WDR27: variants seen among roughly 807,000 people sequenced by gnomAD.
WDR27 encodes the protein WD repeat domain 27, also known as WD repeat-containing protein 27.
Under a neutral mutation model 114.4 loss-of-function variants are expected in WDR27, and 100 were observed. The ratio of observed to expected loss-of-function variants is 0.87; its 90% CI spans 0.74 to 1.03. The LOEUF (loss-of-function observed/expected upper bound fraction) is 1.03, where lower values mean the gene tolerates loss of function less well. Ranked by LOEUF, WDR27 falls within the 50% of genes least tolerant of loss-of-function variation. The pLI, the probability that WDR27 is intolerant of heterozygous loss-of-function variation, is 0.00. For synonymous variants in WDR27, 449 were observed against 423.1 expected (o/e 1.06, Z -0.75); for missense variants, 1,129 against 1,092.9 (o/e 1.03, Z -0.47).
rs1264542018 is a variant in WDR27, at chr6:169,602,293, T to C, written c.2350A>G (p.Thr784Ala). 10 of 1,562,046 alleles carry C rather than the reference T, an allele frequency of 6.4e-6. No individual in the cohort carries two copies. The highest frequency in any genetic ancestry group is 1.4e-5 in the African/African-American group (1 of 73,826). The part of the protein sequence containing the change: ...RCERHFEGHP[T>A]RGYPCGIAFS... Reference sequence around the variant, plus strand: ...GCGATTCCACATGGATAGCCGCGGGTTGGATGCCCTTCAAAGTGGCGCTCA... The same window carrying C: ...GCGATTCCACATGGATAGCCGCGGGCTGGATGCCCTTCAAAGTGGCGCTCA... The change falls in exon 23 of 26, where the codon ACC becomes GCC. Residue 784 changes from threonine to alanine, a missense_variant. Coordinates refer to ENST00000448612, the MANE Select transcript of WDR27 (RefSeq NM_182552.5).
rs565894567 is a variant in WDR27, at chr6:169,638,594, C to G, written c.1814G>C (p.Arg605Pro). ...QDRRWLLSAA[R>P]DGTLRMWSAR... ...CGACCACATTCGCAGGGTCCCGTCC[C>G]GGGCCGCAGAGAGCAGCCACCTCCG... Residue 605 changes from arginine to proline, a missense_variant, in exon 18 of 26, where the codon CGG becomes CCG. Physicochemically the swap from Arg to Pro is moderately radical, Grantham distance 103. Transcript: ENST00000448612. The G allele has an allele frequency of 4.5e-5, 72 of 1,609,380 alleles. No individual in the cohort carries two copies. The East Asian group carries it at 1.4e-3, about 32-fold the overall frequency.
Position 169,531,660 on chromosome 6 carries a change from T to G in WDR27, c.2645+40759A>C, listed in dbSNP as rs982521818. Among the ~76,000 whole-genome samples the G allele has an allele frequency of 1.1e-4, 16 of 152,028 alleles. No individual in the cohort carries two copies. The South Asian group carries it at 1.2e-3, about 12-fold the overall frequency. The stretch of plus-strand genomic sequence containing the variant: ...TCTGCAACATTAAACAGTTTGTTTT[T>G]TTTTTTTTTTTGAAATGGAGTGTCA... On this transcript the variant is annotated intron_variant, in intron 25 of 25. Coordinates refer to ENST00000448612, the MANE Select transcript of WDR27 (RefSeq NM_182552.5).
intron 2 of WDR27, among the ~76,000 whole-genome samples, chr6:169,685,538 T>G (rs927579770): frequency 6.6e-6 from 1 of 152,260 alleles, no homozygotes; most frequent in African/African-American, 2.4e-5. Context: ...ATCATAGAGT[T>G]AAAGAATTCA....
chr6:169,700,235 G>T (rs1787518445), intron 1 of WDR27, among the ~76,000 whole-genome samples: 1 of 152,220 alleles, frequency 6.6e-6, no homozygotes. Context: ...AGGAACCACA[G>T]CCAGGCCTGA....
chr6:169,502,643 G>A (rs1262534559), intron 25 of WDR27, among the ~76,000 whole-genome samples: 2 of 152,166 alleles, frequency 1.3e-5, no homozygotes, highest in African/African-American at 4.8e-5. Context: ...GGAGGCGGAA[G>A]CGTCTCGTCT....
chr6:169,580,575 A>T (rs1477371169), intron 24 of WDR27, among the ~76,000 whole-genome samples: 1 of 152,168 alleles, frequency 6.6e-6, no homozygotes, highest in Non-Finnish European at 1.5e-5. Context: ...TTTACTTTTA[A>T]CAAAAACTTG....
intron 25 of WDR27, among the ~76,000 whole-genome samples, chr6:169,540,287 A>C (rs2128091581): frequency 6.6e-6 from 1 of 152,298 alleles, no homozygotes; most frequent in Non-Finnish European, 1.5e-5. Context: ...ACGATGCTTA[A>C]AATTATATTG....
At chr6:169,516,275 T>C (rs1793624640) in intron 25 of WDR27, among the ~76,000 whole-genome samples, 1 of 152,170 alleles carries the variant, frequency 6.6e-6, no homozygotes, top group Admixed American at 6.5e-5. Flanking sequence ...CCAGCTCCAT[T>C]TTCAACTCCC....
intron 1 of WDR27, among the ~76,000 whole-genome samples, chr6:169,692,416 G>T (rs923710716): frequency 6.6e-6 from 1 of 152,146 alleles, no homozygotes; most frequent in African/African-American, 2.4e-5. Context: ...TATGAGCACA[G>T]GAGCTGCCAA....
In WDR27 at chr6:169,670,686, G is replaced by A. The variant is rs1286640669; in HGVS notation, c.339C>T (p.Val113=). The change falls in exon 4 of 26, where the codon GTC becomes GTT. Residue 113 remains valine (V), a synonymous_variant. Transcript: ENST00000448612. ...GCGAGCCCATGACAGTCCCTCGAGG[G>A]ACCAGCCCTAGAGTGAGTTTCACCA... ...ECREKVLQGL[V]PRGTVMGSLL... The A allele has an allele frequency of 1.9e-6, 3 of 1,613,924 alleles. No homozygotes were observed. The highest frequency in any genetic ancestry group is 2.5e-6 in the Non-Finnish European group (3 of 1,179,858).
intron 25 of WDR27, among the ~76,000 whole-genome samples, chr6:169,536,780 A>G (rs1175539383): frequency 6.6e-6 from 1 of 152,172 alleles, no homozygotes; most frequent in Non-Finnish European, 1.5e-5. Context: ...CAAGAGGCAC[A>G]AGAAAAGCAG....
At chr6:169,481,510 G>C (rs1788071182) in intron 25 of WDR27, among the ~76,000 whole-genome samples, 1 of 152,138 alleles carries the variant, frequency 6.6e-6, no homozygotes, top group Non-Finnish European at 1.5e-5. Context: ...TCTTGCTGCT[G>C]CTCACTCTTC....
At chr6:169,564,114 C>T (rs1000042268) in intron 25 of WDR27, among the ~76,000 whole-genome samples, 4 of 152,318 alleles carry the variant, frequency 2.6e-5, no homozygotes, top group East Asian at 1.9e-4. Context: ...AGTCTGTGGC[C>T]GAAGGCCCAA....
At chr6:169,453,432 C>T (rs1226180015), downstream of WDR27, among the ~76,000 whole-genome samples, 1 of 152,174 alleles carries the variant, frequency 6.6e-6, no homozygotes, top group Non-Finnish European at 1.5e-5. Context: ...GCTGTTGCTA[C>T]ATGGAGGGAA....
At chr6:169,575,108 G>C (rs1802037554) in intron 24 of WDR27, among the ~76,000 whole-genome samples, 1 of 152,036 alleles carries the variant, frequency 6.6e-6, no homozygotes, top group African/African-American at 2.4e-5. Flanking sequence ...ACCACCACCA[G>C]CTATCCTGGG....
chr6:169,659,596 C>T lies in WDR27; in HGVS notation c.1130-78G>A. On this transcript the variant is annotated intron_variant, in intron 10 of 25. Coordinates refer to ENST00000448612, the MANE Select transcript of WDR27 (RefSeq NM_182552.5). This position sits in a 1 kb window ranked among gnomAD's most constrained non-coding sequence, Gnocchi z 4.3. ...ACACACGGAGTCACTGCCCAGAGCC[C>T]ACCACACACAGCCCAGAGCCCACCA... 1 of 1,376,450 alleles carries T rather than the reference C, an allele frequency of 7.3e-7. No homozygotes were observed. The highest frequency in any genetic ancestry group is 1.2e-5 in the South Asian group (1 of 80,540). The allele number at this position is 1,376,450 out of a possible 1,614,324, so 85.3% of individuals were successfully genotyped here.
chr6:169,476,854 C>A (rs1787249051), intron 25 of WDR27, among the ~76,000 whole-genome samples: 1 of 152,152 alleles, frequency 6.6e-6, no homozygotes. Flanking sequence ...GTCTTTCAAG[C>A]TAAATTAATC....
intron 24 of WDR27, among the ~76,000 whole-genome samples, chr6:169,573,757 C>A (rs1475368429): frequency 6.6e-6 from 1 of 152,194 alleles, no homozygotes; most frequent in Non-Finnish European, 1.5e-5. Context: ...CCATACTTAA[C>A]CTGCACGCTT....
At chr6:169,640,321 T>C (rs1333906742) in intron 17 of WDR27, among the ~76,000 whole-genome samples, 1 of 152,172 alleles carries the variant, frequency 6.6e-6, no homozygotes, top group African/African-American at 2.4e-5. Flanking sequence ...GGTATCAACA[T>C]AAAAAAGGCA....
Sources: gnomAD v4.1 joint callset for allele counts (sites outside exome capture counted in the v4.1 genomes callset) on GRCh38, gnomAD v4.1.1 for gene constraint, Gnocchi (gnomAD v3.1) non-coding constraint, MANE v1.5 for transcripts, NCBI Gene and HGNC (gene_info 2026-07-23, HGNC 2026-07-21) for gene names.